SMAD2: variants seen among roughly 807,000 people sequenced by gnomAD.
SMAD2 encodes MAD homolog 2.
A neutral mutation model predicts 64.4 loss-of-function variants in SMAD2; 8 were observed. The ratio of observed to expected loss-of-function variants is 0.12; its 90% CI spans 0.07 to 0.22. The LOEUF is 0.22. Ranked by LOEUF, SMAD2 falls within the 10% of genes least tolerant of loss-of-function variation. The pLI, the probability that SMAD2 is intolerant of heterozygous loss-of-function variation, is 1.00. For synonymous variants in SMAD2, 203 were observed against 195.8 expected (o/e 1.04, Z -0.31); for missense variants, 289 against 561.2 (o/e 0.51, Z 4.90).
chr18:47,861,265 A>G lies in SMAD2; in HGVS notation c.730+3794T>C, dbSNP rs1319164212. 2.6e-5 allele frequency among the ~76,000 whole-genome samples: 4 copies of G among 152,142 alleles called. No homozygotes were observed. The East Asian group carries it at 7.7e-4, about 29-fold the overall frequency. On this transcript the variant is annotated intron_variant, in intron 6 of 10. Coordinates refer to ENST00000262160, the MANE Select transcript of SMAD2 (RefSeq NM_005901.6). ...CAGCTACTCAGGAGGTTCAGGTTAC[A>G]GTGAGCTGAGATCATGCCATTGCAC...
At chr18:47,843,015 CAATGT>C (rs1455061095) in intron 10 of SMAD2, among the ~76,000 whole-genome samples, 9 of 152,198 alleles carry the variant, frequency 5.9e-5, no homozygotes, top group African/African-American at 2.2e-4. Flanking sequence ...AACACATGTT[CAATGT>C]AATTTAAAAC....
In SMAD2 at chr18:47,874,908, GAAGAA is replaced by G. The variant is rs1487891741; in HGVS notation, c.237-4349_237-4345del. On this transcript the variant is annotated intron_variant, in intron 2 of 10. Coordinates refer to ENST00000262160, the MANE Select transcript of SMAD2 (RefSeq NM_005901.6). ...TCACCAAAATTGTAAAAATAAAACA[GAAGAA>G]AATATTGCCAGAGAATAAAATGCAA... 2.0e-5 allele frequency among the ~76,000 whole-genome samples: 3 copies of G among 152,144 alleles called. No homozygotes were observed. In the East Asian group the frequency reaches 5.8e-4, roughly 29 times the overall value.
chr18:47,848,140 A>G (rs1025350732), intron 8 of SMAD2, among the ~76,000 whole-genome samples: 1 of 151,800 alleles, frequency 6.6e-6, no homozygotes, highest in African/African-American at 2.4e-5. Context: ...CAAAACAAAA[A>G]AACATGATTT....
chr18:47,887,115 C>T (rs906963185), intron 2 of SMAD2, among the ~76,000 whole-genome samples: 3 of 152,158 alleles, frequency 2.0e-5, no homozygotes, highest in Non-Finnish European at 4.4e-5. Flanking sequence ...CCTTCCACCA[C>T]CACTCTAGTC....
intron 1 of SMAD2, among the ~76,000 whole-genome samples, chr18:47,930,043 ACTC>A (rs1174581860): frequency 6.6e-6 from 1 of 152,044 alleles, no homozygotes; most frequent in Admixed American, 6.5e-5. Flanking sequence ...CTTCCCCACA[ACTC>A]CTGAAACAAG....
rs547849181 is a variant in SMAD2, at chr18:47,843,561, A to T, written c.1281-1611T>A. The stretch of plus-strand genomic sequence containing the variant: ...AAGATGACATTAAGGAAATTTAAAA[A>T]AAATAGTTTTAGAAACCTAAACATT... On this transcript the variant is annotated intron_variant, in intron 10 of 10. Coordinates refer to ENST00000262160, the MANE Select transcript of SMAD2 (RefSeq NM_005901.6). Among the ~76,000 whole-genome samples the T allele has an allele frequency of 3.3e-5, 5 of 152,344 alleles. No homozygotes were observed. In the South Asian group the frequency reaches 1.0e-3, roughly 32 times the overall value.
At chr18:47,902,935 G>T (rs913679423) in intron 1 of SMAD2, among the ~76,000 whole-genome samples, 3 of 152,082 alleles carry the variant, frequency 2.0e-5, no homozygotes, top group African/African-American at 7.2e-5. Flanking sequence ...AAATTGCAAG[G>T]ATCCCACAGA....
chr18:47,858,701 TTAAA>T (rs753242366), intron 6 of SMAD2, among the ~76,000 whole-genome samples: 1 of 152,150 alleles, frequency 6.6e-6, no homozygotes, highest in East Asian at 1.9e-4. Context: ...ATATTACAAC[TTAAA>T]TAAACTTCTA....
rs1191011582 is a variant in SMAD2 at position 47,834,017 on chromosome 18, CTAAG to C, written c.*7806_*7809del. 4.5e-6 allele frequency: 1 copy of C among 221,864 alleles called. No individual in the cohort carries two copies. Among genetic ancestry groups the C allele is most frequent in the African/African-American group, 2.2e-5 (1 of 44,490 alleles). 13.7% of individuals were successfully genotyped at this position (221,864 alleles called of 1,614,324 possible). Reference sequence around the variant, plus strand: ...AACATCAGTTACCTTAGCTGGATCACTAAGTGTGAGTCTCACCACCATACTGGTA... The same window carrying C: ...AACATCAGTTACCTTAGCTGGATCACTGTGAGTCTCACCACCATACTGGTA... On this transcript the variant is annotated 3_prime_UTR_variant, in exon 11 of 11. Coordinates refer to ENST00000262160, the MANE Select transcript of SMAD2 (RefSeq NM_005901.6).
intron 10 of SMAD2, among the ~76,000 whole-genome samples, chr18:47,844,365 T>C (rs1598744778): frequency 6.6e-6 from 1 of 152,322 alleles, no homozygotes; most frequent in Non-Finnish European, 1.5e-5. Context: ...TACATGAATA[T>C]TTCTTAAGCA....
At chr18:47,906,852 T>C (rs1160866515) in intron 1 of SMAD2, among the ~76,000 whole-genome samples, 3 of 152,224 alleles carry the variant, frequency 2.0e-5, no homozygotes, top group Middle Eastern at 3.4e-3. Context: ...CACTGCCTTC[T>C]CTTCTGTATT....
intron 2 of SMAD2, chr18:47,886,831 A>C (rs1371613375): frequency 6.0e-6 from 1 of 166,460 alleles, no homozygotes; most frequent in Non-Finnish European, 1.3e-5. Flanking sequence ...CTTCAAGGAA[A>C]ACGATGATGA....
At chr18:47,919,515 CACACAA>C (rs1477481272) in intron 1 of SMAD2, among the ~76,000 whole-genome samples, 62 of 86,778 alleles carry the variant, frequency 7.1e-4, no homozygotes, top group African/African-American at 1.3e-3. Flanking sequence ...CACACACACA[CACACAA>C]AGAATAGGAG....
At chr18:47,880,833 T>C (rs957311420) in intron 2 of SMAD2, among the ~76,000 whole-genome samples, 6 of 152,198 alleles carry the variant, frequency 3.9e-5, no homozygotes, top group African/African-American at 1.4e-4. Context: ...CTGGAGCAAT[T>C]CAAATCAGGC....
At chr18:47,874,186 T>C (rs1329188937) in intron 2 of SMAD2, among the ~76,000 whole-genome samples, 2 of 152,172 alleles carry the variant, frequency 1.3e-5, no homozygotes, top group Non-Finnish European at 1.5e-5. Flanking sequence ...TTGTAGCAAC[T>C]GACAAGCTGA....
intron 2 of SMAD2, among the ~76,000 whole-genome samples, chr18:47,873,054 G>A (rs2032040399): frequency 6.6e-6 from 1 of 152,082 alleles, no homozygotes; most frequent in African/African-American, 2.4e-5. Flanking sequence ...TAGAGACAAA[G>A]TCTCTTGAGT....
chr18:47,822,945 C>T lies in SMAD2; in HGVS notation c.*18882G>A, dbSNP rs1425174368. On this transcript the variant is annotated 3_prime_UTR_variant, in exon 11 of 11. Transcript: ENST00000262160. ...CCTCAGGTGTTCCACCTGTCTTGGC[C>T]TCCCAAAGAGCTGGGATTACAGGCA... 5 of 152,238 alleles carry T rather than the reference C, an allele frequency of 3.3e-5. No individual in the cohort carries two copies. Among genetic ancestry groups the T allele is most frequent in the African/African-American group, 7.2e-5 (3 of 41,434 alleles). The allele number at this position is 152,238 out of a possible 1,614,324, so 9.4% of individuals were successfully genotyped here.
Position 47,859,800 on chromosome 18 carries a change from C to T in SMAD2, c.730+5259G>A, listed in dbSNP as rs1335259034. On this transcript the variant is annotated intron_variant, in intron 6 of 10. Coordinates refer to ENST00000262160, the MANE Select transcript of SMAD2 (RefSeq NM_005901.6). ...AGAAAAGAGACAAAGACAACAAAGA[C>T]TACTGATTAATCCATTACAAGACAT... 9.9e-5 allele frequency among the ~76,000 whole-genome samples: 15 copies of T among 152,174 alleles called. No individual in the cohort carries two copies. The South Asian group carries it at 3.1e-3, about 32-fold the overall frequency.
chr18:47,903,451 C>T (rs948600), intron 1 of SMAD2, among the ~76,000 whole-genome samples: 85,062 of 151,872 alleles, frequency 0.56, 24,137 homozygotes, highest in East Asian at 0.8. Context: ...AGAAAGCTGA[C>T]GGCTCAGCTA....
Sources: allele counts gnomAD v4.1 joint callset (sites outside exome capture counted in the v4.1 genomes callset), GRCh38; gene constraint gnomAD v4.1.1; transcripts MANE v1.5; gene names NCBI Gene and HGNC (gene_info 2026-07-23, HGNC 2026-07-21).